BSN: variants seen among roughly 807,000 people sequenced by gnomAD.
The protein encoded by BSN is protein bassoon.
BSN carries 57 observed loss-of-function variants against 264.8 expected under a neutral mutation model. That is an observed-to-expected ratio of 0.22 (90% CI 0.17 to 0.27). BSN has a LOEUF of 0.27. Ranked by LOEUF, BSN falls within the 10% of genes least tolerant of loss-of-function variation. The pLI is 1.00. For missense variants in BSN, 4,615 were observed against 5,232.5 expected (o/e 0.88, Z 3.64); for synonymous variants, 2,059 against 2,137.3 (o/e 0.96, Z 1.01).
At chr3:49,616,058 T>C (rs1050184880) in intron 1 of BSN, among the ~76,000 whole-genome samples, 6 of 152,222 alleles carry the variant, frequency 3.9e-5, no homozygotes, top group Non-Finnish European at 8.8e-5. Flanking sequence ...AATATGCATT[T>C]ATATAATTGG....
intron 3 of BSN, among the ~76,000 whole-genome samples, chr3:49,644,370 C>T (rs987236217): frequency 6.6e-5 from 10 of 152,130 alleles, no homozygotes; most frequent in Non-Finnish European, 1.5e-4. Flanking sequence ...TTCTGACTTC[C>T]CTTGGGCCAG....
intron 1 of BSN, among the ~76,000 whole-genome samples, chr3:49,566,933 G>A (rs1483748798): frequency 4.0e-5 from 6 of 151,012 alleles, no homozygotes; most frequent in Non-Finnish European, 7.4e-5. Flanking sequence ...TTTCATAACA[G>A]GTTGCAAAAT....
chr3:49,560,124 G>C (rs1256005586), intron 1 of BSN, among the ~76,000 whole-genome samples: 1 of 152,040 alleles, frequency 6.6e-6, no homozygotes, highest in African/African-American at 2.4e-5. Context: ...AGCCCTCCCT[G>C]CATATGTGAG....
At chr3:49,647,301 T>G (rs2052508892) in intron 3 of BSN, among the ~76,000 whole-genome samples, 2 of 152,200 alleles carry the variant, frequency 1.3e-5, no homozygotes, top group Non-Finnish European at 2.9e-5. Context: ...TTCCCCTTCT[T>G]TACCCTAAAT....
intron 1 of BSN, among the ~76,000 whole-genome samples, chr3:49,598,001 T>C (rs2108030035): frequency 6.6e-6 from 1 of 152,336 alleles, no homozygotes; most frequent in South Asian, 2.1e-4. Context: ...TTCTCTTTAT[T>C]GATAATCTGT....
In BSN at chr3:49,612,350, T is replaced by C. The variant is rs370375298; in HGVS notation, c.225-12625T>C. On this transcript the variant is annotated intron_variant, in intron 1 of 11. Transcript: ENST00000296452. ...TGGGGTTTCACTGTGTTAGCCAGGA[T>C]GGTCTCGATCTCCTGACCTTGTGAT... Among the ~76,000 whole-genome samples the C allele has an allele frequency of 2.6e-5, 4 of 152,308 alleles. No homozygotes were observed. In the South Asian group the frequency reaches 6.2e-4, roughly 24 times the overall value.
rs183972194 is a variant in BSN at position 49,666,684 on chromosome 3, G to A, written c.*105-906G>A. 2.1e-3 allele frequency among the ~76,000 whole-genome samples: 321 copies of A among 152,170 alleles called. 2 individuals carry two copies. The highest frequency in any genetic ancestry group is 6.6e-3 in the African/African-American group (274 of 41,510). ...AAAAAGGGGAGGGAACAGCACTGAC[G>A]GATGATCGGATGCTGGGATGGGACC... On this transcript the variant is annotated intron_variant, in intron 11 of 11. Transcript: ENST00000296452.
In BSN at chr3:49,585,396, T is replaced by G. The variant is rs572588159; in HGVS notation, c.224+30570T>G. ...CCTCTCGGAACTCCTCCCCTCGTGCTTCTTCCTCTGGTGAGGCCGGCGCTC... is the reference window on the plus strand; with the variant it reads ...CCTCTCGGAACTCCTCCCCTCGTGCGTCTTCCTCTGGTGAGGCCGGCGCTC... On this transcript the variant is annotated intron_variant, in intron 1 of 11. Coordinates refer to ENST00000296452, the MANE Select transcript of BSN (RefSeq NM_003458.4). The surrounding 1 kb of genome is among the most constrained non-coding windows in gnomAD (Gnocchi z 4.7). 6.6e-6 allele frequency among the ~76,000 whole-genome samples: 1 copy of G among 152,302 alleles called. No homozygotes were observed. Among genetic ancestry groups the G allele is most frequent in the Admixed American group, 6.5e-5 (1 of 15,294 alleles).
chr3:49,652,141 C>T lies in BSN; in HGVS notation c.2585C>T (p.Thr862Ile), dbSNP rs747929167. The change falls in exon 5 of 12, where the codon ACT becomes ATT. Residue 862 changes from threonine to isoleucine, a missense_variant. Thr to Ile is a moderately conservative substitution (Grantham distance 89). Coordinates refer to ENST00000296452, the MANE Select transcript of BSN (RefSeq NM_003458.4). ...AEEDNLEEDD[T>I]ATSGRGLAKH... ...GAAGACAACCTGGAGGAGGATGACA[C>T]TGCCACCTCCGGGCGTGGCCTGGCC... 1.8e-5 allele frequency: 29 copies of T among 1,613,958 alleles called. No individual in the cohort carries two copies. The highest frequency in any genetic ancestry group is 2.4e-5 in the Non-Finnish European group (28 of 1,179,962).
rs1158383020 is a variant in BSN at position 49,652,014 on chromosome 3, G to A, written c.2458G>A (p.Glu820Lys). Residue 820 changes from glutamate (E) to lysine (K), a missense_variant, in exon 5 of 12, where the codon GAG becomes AAG. Physicochemically the swap from Glu to Lys is moderately conservative, Grantham distance 56. Around this residue, in one of 3 missense-constraint regions of BSN, gnomAD observed 1,197 missense variants for 1,348.0 expected, o/e 0.89. Transcript: ENST00000296452. ...LRHDYVEDSS[E>K]GGLSPLPPQP... ...GCACGACTATGTGGAGGACAGCAGTGAGGGTGGCCTGTCCCCTCTTCCACC... is the reference window on the plus strand; with the variant it reads ...GCACGACTATGTGGAGGACAGCAGTAAGGGTGGCCTGTCCCCTCTTCCACC... 1.2e-6 allele frequency: 2 copies of A among 1,612,512 alleles called. No individual in the cohort carries two copies. The highest frequency in any genetic ancestry group is 2.7e-5 in the African/African-American group (2 of 74,928).
Position 49,625,408 on chromosome 3 carries a change from C to A in BSN, c.633+25C>A. The A allele has an allele frequency of 1.4e-6, 2 of 1,444,442 alleles. No individual in the cohort carries two copies. The highest frequency in any genetic ancestry group is 2.7e-5 in the Admixed American group (1 of 37,164). The allele number at this position is 1,444,442 out of a possible 1,614,324, so 89.5% of individuals were successfully genotyped here. A position where few individuals can be genotyped will look rare whatever the true frequency, so the allele number is the denominator to read the frequency against. ...GGTAACCACTTCTGCGCCGGCTCCC[C>A]ACTCACCTGCTACCTCATTACCATA... is the stretch of plus-strand genomic sequence containing the variant. On this transcript the variant is annotated intron_variant, in intron 2 of 11. Coordinates refer to ENST00000296452, the MANE Select transcript of BSN (RefSeq NM_003458.4). The surrounding 1 kb of genome is among the most constrained non-coding windows in gnomAD (Gnocchi z 4.4).
Position 49,655,848 on chromosome 3 carries a change from A to C in BSN, c.6292A>C (p.Ile2098Leu). The C allele has an allele frequency of 4.3e-6, 7 of 1,613,344 alleles. No individual in the cohort carries two copies. The highest frequency in any genetic ancestry group is 5.9e-6 in the Non-Finnish European group (7 of 1,180,022). ...AQYSATTARE[I>L]SRMCAALNSM... ...GTACAGTGCCACCACAGCCCGTGAA[A>C]TCAGTCGCATGTGCGCTGCCCTCAA... Residue 2098 changes from isoleucine to leucine, a missense_variant, in exon 5 of 12, where the codon ATC (isoleucine) becomes CTC (leucine). Around this residue, in one of 3 missense-constraint regions of BSN, gnomAD observed 3,415 missense variants for 3,866.4 expected, o/e 0.88. Coordinates refer to ENST00000296452, the MANE Select transcript of BSN (RefSeq NM_003458.4).
Position 49,654,532 on chromosome 3 carries a change from G to C in BSN, c.4976G>C (p.Arg1659Thr). Residue 1659 changes from arginine to threonine, a missense_variant, in exon 5 of 12, where the codon AGG (arginine) becomes ACG (threonine). Physicochemically the swap from Arg to Thr is moderately conservative, Grantham distance 71. This residue lies in a region of BSN where 3,415 missense variants were observed against 3,866.4 expected (regional missense o/e 0.88). Coordinates refer to ENST00000296452, the MANE Select transcript of BSN (RefSeq NM_003458.4). The surrounding 1 kb of genome is among the most constrained non-coding windows in gnomAD (Gnocchi z 4.1). ...ACGTCTAGGGTTGAGCCAGGCCCCA[G>C]GACCCCTGGCACTGCAGTGGTAGAC... is the stretch of plus-strand genomic sequence containing the variant. ...PGTSRVEPGP[R>T]TPGTAVVDLR... The C allele has an allele frequency of 6.2e-7, 1 of 1,610,906 alleles. No homozygotes were observed. Among genetic ancestry groups the C allele is most frequent in the South Asian group, 1.1e-5 (1 of 90,510 alleles).
chr3:49,619,688 A>T (rs1394062924), intron 1 of BSN, among the ~76,000 whole-genome samples: 1 of 152,206 alleles, frequency 6.6e-6, no homozygotes, highest in African/African-American at 2.4e-5. Flanking sequence ...AGAGCCTTCT[A>T]TGGTACGGCT....
intron 3 of BSN, among the ~76,000 whole-genome samples, chr3:49,644,244 G>A (rs545362567): frequency 5.3e-5 from 8 of 152,312 alleles, no homozygotes; most frequent in Admixed American, 3.3e-4. Flanking sequence ...GGTCTCTTGG[G>A]CTGAGCCATT....
At chr3:49,556,391 C>CT (rs1182633310) in intron 1 of BSN, among the ~76,000 whole-genome samples, 1 of 152,162 alleles carries the variant, frequency 6.6e-6, no homozygotes, top group East Asian at 1.9e-4. Flanking sequence ...GCTCATATGC[C>CT]TTTTTAGTGT....
intron 1 of BSN, among the ~76,000 whole-genome samples, chr3:49,624,300 C>CTTTTT (rs71080542): frequency 3.0e-5 from 2 of 67,190 alleles, no homozygotes; most frequent in African/African-American, 1.1e-4. Flanking sequence ...CGTGCCCAGC[C>CTTTTT]TTTTTTTTTT....
Position 49,653,607 on chromosome 3 carries a change from C to G in BSN, c.4051C>G (p.Gln1351Glu), listed in dbSNP as rs566027867. The G allele has an allele frequency of 3.1e-6, 5 of 1,613,848 alleles. No homozygotes were observed. The East Asian group carries it at 8.9e-5, about 29-fold the overall frequency. ...CACTCAGCATTTTGCAAAGGAGACT[C>G]AGGACCCCCTCAAGCTGCACAGCTC... Reference protein sequence around the residue: ...RVTQHFAKETQDPLKLHSSPA... With the variant: ...RVTQHFAKETEDPLKLHSSPA... The change falls in exon 5 of 12, where the codon CAG (glutamine) becomes GAG (glutamate). Residue 1351 changes from glutamine (Q) to glutamate (E), a missense_variant. Gln to Glu is a conservative substitution (Grantham distance 29). Coordinates refer to ENST00000296452, the MANE Select transcript of BSN (RefSeq NM_003458.4). The surrounding 1 kb of genome is among the most constrained non-coding windows in gnomAD (Gnocchi z 6.3).
intron 2 of BSN, among the ~76,000 whole-genome samples, chr3:49,634,384 T>C (rs904789221): frequency 1.3e-5 from 2 of 152,198 alleles, no homozygotes; most frequent in Non-Finnish European, 2.9e-5. Flanking sequence ...AATTTATGTG[T>C]ATTTTACCAC....
Sources: allele counts gnomAD v4.1 joint callset (sites outside exome capture counted in the v4.1 genomes callset), GRCh38; gene constraint gnomAD v4.1.1; regional missense constraint gnomAD v4.1.1; non-coding constraint Gnocchi (gnomAD v3.1); transcripts MANE v1.5; gene names NCBI Gene and HGNC (gene_info 2026-07-23, HGNC 2026-07-21).